The following SLC22A23 variants were observed in gnomAD, a reference collection of about 807,000 sequenced individuals.
SLC22A23 encodes the protein solute carrier family 22 member 23.
In SLC22A23, 26 loss-of-function variants were observed where a neutral mutation model predicts 61.0. The observed-to-expected ratio is 0.43, with a 90% CI of 0.31 to 0.59. The LOEUF (loss-of-function observed/expected upper bound fraction) is 0.59. Among genes scored for constraint, SLC22A23 ranks in the 20% least tolerant of loss-of-function variants. The pLI is 0.11. For missense variants in SLC22A23, 796 were observed against 934.7 expected (o/e 0.85, Z 1.94); for synonymous variants, 430 against 413.9 (o/e 1.04, Z -0.47).
In SLC22A23 at chr6:3,280,512, T is replaced by TTTTTTTTTTTTTTTTTTTTTCC. The variant is rs781526188; in HGVS notation, c.1703+3339_1703+3340insGGAAAAAAAAAAAAAAAAAAAA. On this transcript the variant is annotated intron_variant, in intron 9 of 9. Coordinates refer to ENST00000406686, the MANE Select transcript of SLC22A23 (RefSeq NM_015482.2). The stretch of plus-strand genomic sequence containing the variant: ...CAACTTTTTTTTTTTTTTTTTTTTT[T>TTTTTTTTTTTTTTTTTTTTTCC]TGAGATGGAGTCTCGCTCTGTCGCC... Among the ~76,000 whole-genome samples, 2 of 98,330 alleles carry TTTTTTTTTTTTTTTTTTTTTCC rather than the reference T, an allele frequency of 2.0e-5. 1 individual carries two copies. The allele number at this position is 98,330 out of a possible 152,430, so 64.5% of individuals were successfully genotyped here.
At chr6:3,293,458 ATG>A (rs1760800704) in intron 5 of SLC22A23, among the ~76,000 whole-genome samples, 1 of 152,366 alleles carries the variant, frequency 6.6e-6, no homozygotes, top group African/African-American at 2.4e-5. Context: ...ACTCGAATAA[ATG>A]TGCTTGAAAG....
intron 4 of SLC22A23, among the ~76,000 whole-genome samples, chr6:3,310,906 A>G (rs1048600565): frequency 6.6e-6 from 1 of 152,226 alleles, no homozygotes; most frequent in Non-Finnish European, 1.5e-5. Context: ...TGAACTGCCC[A>G]TGCTTATTAA....
In SLC22A23 at chr6:3,365,246, C is replaced by T. The variant is rs190597024; in HGVS notation, c.914-41244G>A. Among the ~76,000 whole-genome samples, 189 of 152,214 alleles carry T rather than the reference C, an allele frequency of 1.2e-3. 1 individual carries two copies. The highest frequency in any genetic ancestry group is 4.2e-3 in the African/African-American group (173 of 41,534). On this transcript the variant is annotated intron_variant, in intron 3 of 9. Transcript: ENST00000406686. The stretch of plus-strand genomic sequence containing the variant: ...CTGAGACAGGAGAATCACTTGAACC[C>T]GGGAGGTGGAGGTTGCAGTGAGCCA...
chr6:3,339,031 T>C (rs1039278104), intron 3 of SLC22A23, among the ~76,000 whole-genome samples: 1 of 152,110 alleles, frequency 6.6e-6, no homozygotes, highest in African/African-American at 2.4e-5. Context: ...AGAGGATGTG[T>C]GTGTGGAGAG....
Position 3,441,753 on chromosome 6 carries a change from G to A in SLC22A23, c.654+14153C>T, listed in dbSNP as rs556065966. On this transcript the variant is annotated intron_variant, in intron 1 of 9. Transcript: ENST00000406686. ...TTCCCTGCCCCGCTCATCCTGTGCC[G>A]CATGCCAGGGATATTCAATTTCCCA... Among the ~76,000 whole-genome samples the A allele has an allele frequency of 9.2e-5, 14 of 152,272 alleles. No individual in the cohort carries two copies. In the East Asian group the frequency reaches 1.9e-3, roughly 21 times the overall value.
intron 6 of SLC22A23, among the ~76,000 whole-genome samples, chr6:3,287,407 A>T (rs1039791445): frequency 1.3e-5 from 2 of 152,212 alleles, no homozygotes; most frequent in African/African-American, 4.8e-5. Flanking sequence ...ATCCTCCAAG[A>T]CAAAGCGCTT....
intron 1 of SLC22A23, among the ~76,000 whole-genome samples, chr6:3,437,839 C>T (rs1771328542): frequency 6.6e-6 from 1 of 150,694 alleles, no homozygotes; most frequent in African/African-American, 2.4e-5. Context: ...CCTCTGCCTC[C>T]CAGGTTCAAA....
At position 3,414,662 on chromosome 6, in the gene SLC22A23, A is replaced by G. The variant is rs1769539845; in HGVS notation, c.758+1090T>C. On this transcript the variant is annotated intron_variant, in intron 2 of 9. Transcript: ENST00000406686. This position sits in a 1 kb window ranked among gnomAD's most constrained non-coding sequence, Gnocchi z 5.1. ...GGTGCAGAGGTCACAGAACCTATAG[A>G]ATTTGTTCCATATCACTCTGGGCCC... is the stretch of plus-strand genomic sequence containing the variant. Among the ~76,000 whole-genome samples the G allele has an allele frequency of 1.3e-5, 2 of 148,992 alleles. No individual in the cohort carries two copies. The highest frequency in any genetic ancestry group is 5.0e-5 in the African/African-American group (2 of 40,156).
At chr6:3,444,106 C>G (rs918774934) in intron 1 of SLC22A23, among the ~76,000 whole-genome samples, 11 of 152,184 alleles carry the variant, frequency 7.2e-5, no homozygotes, top group Non-Finnish European at 1.6e-4. Flanking sequence ...CATGCAGATG[C>G]CATGGGTGGG....
At chr6:3,431,062 G>A (rs7739501) in intron 1 of SLC22A23, among the ~76,000 whole-genome samples, 80,205 of 129,836 alleles carry the variant, frequency 0.62, 22,627 homozygotes, top group South Asian at 0.78. Context: ...GCAAAACTCC[G>A]TCTCAAAAAA....
chr6:3,357,246 C>A (rs887045545), intron 3 of SLC22A23, among the ~76,000 whole-genome samples: 3 of 152,156 alleles, frequency 2.0e-5, no homozygotes, highest in African/African-American at 7.2e-5. Context: ...AGGTCAAGTA[C>A]ACTGTAAAAC....
At chr6:3,375,400 G>A (rs1301403367) in intron 3 of SLC22A23, among the ~76,000 whole-genome samples, 1 of 152,218 alleles carries the variant, frequency 6.6e-6, no homozygotes, top group East Asian at 1.9e-4. Flanking sequence ...CTGACCCTCA[G>A]GAAGCTAATT....
chr6:3,456,050 G>T lies in SLC22A23; in HGVS notation c.510C>A (p.Asn170Lys). 1 of 1,548,648 alleles carries T rather than the reference G, an allele frequency of 6.5e-7. No individual in the cohort carries two copies. The highest frequency in any genetic ancestry group is 1.2e-5 in the South Asian group (1 of 84,034). ...FATAPWEAAG[N>K]RSNSSGADGG... ...CGTCCGCGCCGCTGCTGTTGCTCCG[G>T]TTGCCCGCAGCCTCCCAGGGGGCAG... Residue 170 changes from asparagine (N) to lysine (K), a missense_variant, in exon 1 of 10, where the codon AAC becomes AAA. Physicochemically the swap from Asn to Lys is moderately conservative, Grantham distance 94. Coordinates refer to ENST00000406686, the MANE Select transcript of SLC22A23 (RefSeq NM_015482.2). The surrounding 1 kb of genome is among the most constrained non-coding windows in gnomAD (Gnocchi z 7.1).
intron 3 of SLC22A23, among the ~76,000 whole-genome samples, chr6:3,351,409 G>A (rs1764761092): frequency 6.6e-6 from 1 of 152,196 alleles, no homozygotes; most frequent in African/African-American, 2.4e-5. Flanking sequence ...AGCTAGTGCT[G>A]GCAGAAAGAC....
rs1763012956 is a variant in SLC22A23 at position 3,322,472 on chromosome 6, T to C, written c.1082+1362A>G. 1.3e-5 allele frequency among the ~76,000 whole-genome samples: 2 copies of C among 152,336 alleles called. No homozygotes were observed. Among genetic ancestry groups the C allele is most frequent in the African/African-American group, 4.8e-5 (2 of 41,570 alleles). ...GCACAAGGGCTGTCCTGGAACACGG[T>C]TGTGCTGCGGGAGGGGTTTGGACAT... is the stretch of plus-strand genomic sequence containing the variant. On this transcript the variant is annotated intron_variant, in intron 4 of 9. Coordinates refer to ENST00000406686, the MANE Select transcript of SLC22A23 (RefSeq NM_015482.2). The surrounding 1 kb of genome is among the most constrained non-coding windows in gnomAD (Gnocchi z 4.1).
intron 4 of SLC22A23, among the ~76,000 whole-genome samples, chr6:3,313,802 C>T (rs1392011394): frequency 1.5e-5 from 2 of 129,918 alleles, no homozygotes; most frequent in Non-Finnish European, 3.4e-5. Flanking sequence ...GGGTGGATCA[C>T]CTGAGGCTGG....
At chr6:3,385,507 C>A (rs548873025) in intron 3 of SLC22A23, among the ~76,000 whole-genome samples, 16 of 150,850 alleles carry the variant, frequency 1.1e-4, no homozygotes, top group African/African-American at 3.2e-4. Context: ...CAGAGCAGAA[C>A]TCTGTCTCAA....
chr6:3,343,288 G>T (rs1581720034), intron 3 of SLC22A23, among the ~76,000 whole-genome samples: 2 of 152,278 alleles, frequency 1.3e-5, no homozygotes, highest in Middle Eastern at 6.8e-3. Context: ...CCACACTCTT[G>T]CCTCGTAAAC....
Position 3,360,704 on chromosome 6 carries a change from C to G in SLC22A23, c.914-36702G>C, listed in dbSNP as rs1581748566. On this transcript the variant is annotated intron_variant, in intron 3 of 9. Transcript: ENST00000406686. The surrounding 1 kb of genome is among the most constrained non-coding windows in gnomAD (Gnocchi z 4.6). The stretch of plus-strand genomic sequence containing the variant: ...GTTATTTAGGAGACAAAGAGGCCCT[C>G]AAGCTGGCCTGAGCCCCCAAGGGGT... Among the ~76,000 whole-genome samples, 2 of 152,240 alleles carry G rather than the reference C, an allele frequency of 1.3e-5. No individual in the cohort carries two copies. Among genetic ancestry groups the G allele is most frequent in the East Asian group, 3.8e-4 (2 of 5,200 alleles).
Sources: allele counts gnomAD v4.1 joint callset (sites outside exome capture counted in the v4.1 genomes callset), GRCh38; gene constraint gnomAD v4.1.1; non-coding constraint Gnocchi (gnomAD v3.1); transcripts MANE v1.5; gene names NCBI Gene and HGNC (gene_info 2026-07-23, HGNC 2026-07-21).